The following SCARF1 variants were observed in gnomAD, a reference collection of about 807,000 sequenced individuals.
SCARF1 encodes the protein acetyl LDL receptor.
A neutral mutation model predicts 76.3 loss-of-function variants in SCARF1; 49 were observed. That is an observed-to-expected ratio of 0.64 (90% CI 0.51 to 0.81). SCARF1 has a LOEUF of 0.81. SCARF1 is among the 40% of genes least tolerant of loss of function. The pLI is 0.00. For missense variants in SCARF1, 1,098 were observed against 1,143.9 expected (o/e 0.96, Z 0.58); for synonymous variants, 495 against 474.6 (o/e 1.04, Z -0.56).
intron 7 of SCARF1, 50 bp from the exon 8 acceptor site, chr17:1,638,976 A>T (rs764171330): frequency 6.6e-7 from 1 of 1,508,268 alleles, no homozygotes; most frequent in Admixed American, 1.9e-5. Flanking sequence ...TCTCCTACAC[A>T]TCCTGTCTTT....
In SCARF1 at chr17:1,644,975, G is replaced by A. The variant is rs1244963906; in HGVS notation, c.164-40C>T. The A allele has an allele frequency of 6.3e-7, 1 of 1,597,446 alleles. No homozygotes were observed. Among genetic ancestry groups the A allele is most frequent in the Admixed American group, 1.7e-5 (1 of 57,540 alleles). The stretch of plus-strand genomic sequence containing the variant: ...ACCCAGGTTGGAAAGACGGGAGCAG[G>A]ACCAGGGGACACCCCTGCCCTCTCA... On this transcript the variant is annotated intron_variant, in intron 2 of 10. Transcript: ENST00000263071. The surrounding 1 kb of genome is among the most constrained non-coding windows in gnomAD (Gnocchi z 4.8).
At position 1,644,693 on chromosome 17, in the gene SCARF1, G is replaced by T; in HGVS notation, c.265+141C>A. On this transcript the variant is annotated intron_variant, in intron 3 of 10. Coordinates refer to ENST00000263071, the MANE Select transcript of SCARF1 (RefSeq NM_003693.4). This position sits in a 1 kb window ranked among gnomAD's most constrained non-coding sequence, Gnocchi z 4.8. ...GAGTGTGTGTCACTTCCTGTCTCTG[G>T]ACCGCAATTCCTCAGTGAAGCTGGG... 2.5e-6 allele frequency: 2 copies of T among 787,742 alleles called. No individual in the cohort carries two copies. The highest frequency in any genetic ancestry group is 1.6e-5 in the South Asian group (1 of 60,622). 48.8% of individuals were successfully genotyped at this position (787,742 alleles called of 1,614,324 possible).
intron 10 of SCARF1, among the ~76,000 whole-genome samples, chr17:1,636,099 C>T (rs1909536371): frequency 6.6e-6 from 1 of 152,198 alleles, no homozygotes; most frequent in Non-Finnish European, 1.5e-5. Context: ...TGGCCAACTC[C>T]TACTGATTCT....
chr17:1,634,683 T>C lies in SCARF1; in HGVS notation c.*75A>G. 6.7e-7 allele frequency: 1 copy of C among 1,500,118 alleles called. No individual in the cohort carries two copies. Among genetic ancestry groups the C allele is most frequent in the African/African-American group, 1.4e-5 (1 of 71,452 alleles). The allele number at this position is 1,500,118 out of a possible 1,614,324, so 92.9% of individuals were successfully genotyped here. A position where few individuals can be genotyped will look rare whatever the true frequency, so the allele number is the denominator to read the frequency against. On this transcript the variant is annotated 3_prime_UTR_variant, in exon 11 of 11. Coordinates refer to ENST00000263071, the MANE Select transcript of SCARF1 (RefSeq NM_003693.4). Reference sequence around the variant, plus strand: ...CGCAGAGGCTCTGGTTTGTCTGTCCTGGCCCCGGGATCATTTTCCAGCACA... The same window carrying C: ...CGCAGAGGCTCTGGTTTGTCTGTCCCGGCCCCGGGATCATTTTCCAGCACA...
At chr17:1,639,580 C>T in intron 7 of SCARF1, 59 bp downstream of exon 7, 5 of 1,204,118 alleles carry the variant, frequency 4.2e-6, no homozygotes, top group Non-Finnish European at 6.0e-6. Flanking sequence ...GCCCTGGAGC[C>T]CATGTGAAGG....
At position 1,644,751 on chromosome 17, in the gene SCARF1, T is replaced by C; in HGVS notation, c.265+83A>G. The C allele has an allele frequency of 7.5e-7, 1 of 1,338,218 alleles. No individual in the cohort carries two copies. The highest frequency in any genetic ancestry group is 1.0e-6 in the Non-Finnish European group (1 of 960,564). The allele number at this position is 1,338,218 out of a possible 1,614,324, so 82.9% of individuals were successfully genotyped here. On this transcript the variant is annotated intron_variant, in intron 3 of 10. Transcript: ENST00000263071. The surrounding 1 kb of genome is among the most constrained non-coding windows in gnomAD (Gnocchi z 4.8). ...CTGGCCCTGCTGTCCTGAGGCTGCA[T>C]GGCTACCTGCCTCGCCTGCTCCCAC... is the stretch of plus-strand genomic sequence containing the variant.
chr17:1,641,732 T>A (rs1910069122), intron 4 of SCARF1, among the ~76,000 whole-genome samples: 1 of 152,200 alleles, frequency 6.6e-6, no homozygotes, highest in Admixed American at 6.5e-5. Flanking sequence ...TTTATTATTA[T>A]TTTCTTCAAG....
At chr17:1,637,087 G>A (rs1909639610) in intron 8 of SCARF1, 25 bp from the exon 9 acceptor site, 1 of 1,612,700 alleles carries the variant, frequency 6.2e-7, no homozygotes, top group African/African-American at 1.3e-5. Flanking sequence ...TAGGGACACT[G>A]GTCAGTACAT....
At position 1,634,045 on chromosome 17, in the gene SCARF1, CA is replaced by C. The variant is rs1909304209; in HGVS notation, c.*712del. On this transcript the variant is annotated 3_prime_UTR_variant, in exon 11 of 11. Coordinates refer to ENST00000263071, the MANE Select transcript of SCARF1 (RefSeq NM_003693.4). Reference sequence around the variant, plus strand: ...AATCTCATCTTCCAGAGGAAAAAACCATTTAGTGCCTTTCCCTTGAATCTGT... The same window carrying C: ...AATCTCATCTTCCAGAGGAAAAAACCTTTAGTGCCTTTCCCTTGAATCTGT... 1.3e-5 allele frequency: 2 copies of C among 151,956 alleles called. No homozygotes were observed. Among genetic ancestry groups the C allele is most frequent in the African/African-American group, 4.8e-5 (2 of 41,352 alleles). The allele number at this position is 151,956 out of a possible 1,614,324, so 9.4% of individuals were successfully genotyped here. A position where few individuals can be genotyped will look rare whatever the true frequency, so the allele number is the denominator to read the frequency against.
At chr17:1,639,025 G>A in intron 7 of SCARF1, 99 bp from the exon 8 acceptor site, 2 of 1,289,284 alleles carry the variant, frequency 1.6e-6, no homozygotes, top group Non-Finnish European at 2.1e-6. Flanking sequence ...TCTTCCTGGG[G>A]GTCACTCCCT....
rs777995658 is a variant in SCARF1, at chr17:1,645,655, G to A, written c.43C>T (p.Arg15Trp). Reference protein sequence around the residue: ...LLLPLLLLWTRGTQGSELDPK... With the variant: ...LLLPLLLLWTWGTQGSELDPK... ...TCCAGCTCGGACCCCTGAGTCCCCCGAGTCCAGAGCAGCAGCAGCGGGAGC... is the reference window on the plus strand; with the variant it reads ...TCCAGCTCGGACCCCTGAGTCCCCCAAGTCCAGAGCAGCAGCAGCGGGAGC... The change falls in exon 1 of 11, where the codon CGG (arginine) becomes TGG (tryptophan). Residue 15 changes from arginine to tryptophan, a missense_variant. By Grantham distance (101) the Arg-to-Trp change is moderately radical. Transcript: ENST00000263071. This position sits in a 1 kb window ranked among gnomAD's most constrained non-coding sequence, Gnocchi z 6.3. 20 of 1,608,508 alleles carry A rather than the reference G, an allele frequency of 1.2e-5. 1 individual carries two copies. Among genetic ancestry groups the A allele is most frequent in the Admixed American group, 8.4e-5 (5 of 59,822 alleles).
chr17:1,641,942 G>C (rs1401987617), intron 4 of SCARF1, among the ~76,000 whole-genome samples: 3 of 151,838 alleles, frequency 2.0e-5, no homozygotes, highest in African/African-American at 7.2e-5. Flanking sequence ...GGCTGGTCTC[G>C]AACTCCTGAC....
rs550482694 is a variant in SCARF1, at chr17:1,643,057, G to A, written c.791+385C>T. Among the ~76,000 whole-genome samples the A allele has an allele frequency of 2.6e-5, 4 of 152,194 alleles. No homozygotes were observed. In the South Asian group the frequency reaches 6.2e-4, roughly 24 times the overall value. The stretch of plus-strand genomic sequence containing the variant: ...GTATGTTTTTTGAGAGGAGCACCGC[G>A]AAGCCCTGACCCCTCCTCCCGGCGC... On this transcript the variant is annotated intron_variant, in intron 4 of 10. Transcript: ENST00000263071.
Position 1,640,851 on chromosome 17 carries a change from A to G in SCARF1, c.792-185T>C, listed in dbSNP as rs1909994698. Among the ~76,000 whole-genome samples, 1 of 152,156 alleles carries G rather than the reference A, an allele frequency of 6.6e-6. No individual in the cohort carries two copies. Among genetic ancestry groups the G allele is most frequent in the Non-Finnish European group, 1.5e-5 (1 of 68,024 alleles). ...AATGAGGACAAATGAGGGCTCTTACAGGATCCCATCCCTTTCCTTCCAGGC... is the reference window on the plus strand; with the variant it reads ...AATGAGGACAAATGAGGGCTCTTACGGGATCCCATCCCTTTCCTTCCAGGC... On this transcript the variant is annotated intron_variant, in intron 4 of 10. Coordinates refer to ENST00000263071, the MANE Select transcript of SCARF1 (RefSeq NM_003693.4). This position sits in a 1 kb window ranked among gnomAD's most constrained non-coding sequence, Gnocchi z 4.7.
Position 1,643,816 on chromosome 17 carries a change from C to T in SCARF1, c.417G>A (p.Gly139=). 1 of 1,268,750 alleles carries T rather than the reference C, an allele frequency of 7.9e-7. No homozygotes were observed. The allele number at this position is 1,268,750 out of a possible 1,614,324, so 78.6% of individuals were successfully genotyped here. A position where few individuals can be genotyped will look rare whatever the true frequency, so the allele number is the denominator to read the frequency against. The change falls in exon 4 of 11, where the codon GGG becomes GGA. Residue 139 remains glycine, a synonymous_variant. Transcript: ENST00000263071. ...ACACGCCGGTCGCGGGGTCGCAGCGCCCGTGGGGGCCGCAGGCGCACGGGA... is the reference window on the plus strand; with the variant it reads ...ACACGCCGGTCGCGGGGTCGCAGCGTCCGTGGGGGCCGCAGGCGCACGGGA... The part of the protein sequence containing the change: ...CEFPCACGPH[G]RCDPATGVCH...
chr17:1,635,415 C>A lies in SCARF1; in HGVS notation c.1836G>T (p.Pro612=), dbSNP rs199935845. 6.2e-6 allele frequency: 10 copies of A among 1,613,898 alleles called. No homozygotes were observed. In the Admixed American group the frequency reaches 6.7e-5, roughly 11 times the overall value. The change falls in exon 11 of 11, where the codon CCG becomes CCT. Residue 612 remains proline, a synonymous_variant. Coordinates refer to ENST00000263071, the MANE Select transcript of SCARF1 (RefSeq NM_003693.4). ...SRRSSGELSS[P]LRKPKRLSRG... is the part of the protein sequence containing the mutation. ...GGGAGAGCCTCTTGGGCTTTCGGAGCGGGCTGGAGAGCTCCCCTGAGCTTC... is the reference window on the plus strand; with the variant it reads ...GGGAGAGCCTCTTGGGCTTTCGGAGAGGGCTGGAGAGCTCCCCTGAGCTTC...
At position 1,634,599 on chromosome 17, in the gene SCARF1, G is replaced by T; in HGVS notation, c.*159C>A. On this transcript the variant is annotated 3_prime_UTR_variant, in exon 11 of 11. Transcript: ENST00000263071. ...CCCAGGCCTTCCTGGGCCCCTCCGG[G>T]AGCACTGCCAGGGGCCTGGGCCAAC... 2.0e-6 allele frequency: 2 copies of T among 992,920 alleles called. No individual in the cohort carries two copies. Among genetic ancestry groups the T allele is most frequent in the Non-Finnish European group, 2.9e-6 (2 of 693,856 alleles). The allele number at this position is 992,920 out of a possible 1,614,324, so 61.5% of individuals were successfully genotyped here.
At position 1,634,762 on chromosome 17, in the gene SCARF1, G is replaced by T; in HGVS notation, c.2489C>A (p.Pro830His). The change falls in exon 11 of 11, where the codon CCC becomes CAC. Residue 830 changes from proline to histidine, a missense_variant. Physicochemically the swap from Pro to His is moderately conservative, Grantham distance 77. Coordinates refer to ENST00000263071, the MANE Select transcript of SCARF1 (RefSeq NM_003693.4). ...CACTCCCCAAATTCAAGGTCATCAG[G>T]GTTCTGGTGGCCTGGAGATGGGTAC... The part of the protein sequence containing the change: ...NVVPISRPPE[P>H] 2.5e-6 allele frequency: 4 copies of T among 1,588,614 alleles called. No individual in the cohort carries two copies. The highest frequency in any genetic ancestry group is 3.4e-6 in the Non-Finnish European group (4 of 1,163,938).
chr17:1,639,965 G>A lies in SCARF1; in HGVS notation c.1086C>T (p.Ser362=), dbSNP rs763220414. The part of the protein sequence containing the change: ...GSTCPTCVQG[S]CDTVTGDCVC... ...CACAGTCCCCTGTCACAGTATCACA[G>A]GACCCCTGAACACAGGTGGGGCAGG... The change falls in exon 6 of 11, where the codon TCC becomes TCT. Residue 362 remains serine, a synonymous_variant. Coordinates refer to ENST00000263071, the MANE Select transcript of SCARF1 (RefSeq NM_003693.4). 2 of 1,614,060 alleles carry A rather than the reference G, an allele frequency of 1.2e-6. No individual in the cohort carries two copies. Among genetic ancestry groups the A allele is most frequent in the Non-Finnish European group, 1.7e-6 (2 of 1,180,002 alleles).
Sources: gnomAD v4.1 joint callset for allele counts (sites outside exome capture counted in the v4.1 genomes callset) on GRCh38, gnomAD v4.1.1 for gene constraint, Gnocchi (gnomAD v3.1) non-coding constraint, MANE v1.5 for transcripts, NCBI Gene and HGNC (gene_info 2026-07-23, HGNC 2026-07-21) for gene names.